The following AKAP7 variants were observed in gnomAD, a reference collection of about 807,000 sequenced individuals.
AKAP7 encodes the protein A-kinase anchoring protein 7.
A neutral mutation model predicts 39.5 loss-of-function variants in AKAP7; 39 were observed. The observed-to-expected ratio is 0.99, with a 90% CI of 0.76 to 1.29. The LOEUF is 1.29. Among genes scored for constraint, AKAP7 ranks in the 50% most tolerant of loss-of-function variants. AKAP7 has a pLI of 0.00. For synonymous variants in AKAP7, 140 were observed against 139.1 expected (o/e 1.01, Z -0.05); for missense variants, 414 against 407.7 (o/e 1.02, Z -0.13).
At chr6:131,144,518 G>A (rs1257515969) in intron 1 of AKAP7, among the ~76,000 whole-genome samples, 3 of 152,186 alleles carry the variant, frequency 2.0e-5, no homozygotes, top group African/African-American at 7.2e-5. Context: ...CAGCATTTGT[G>A]TCTGTCAATA....
At chr6:131,262,239 T>G (rs1813407405) in intron 7 of AKAP7, among the ~76,000 whole-genome samples, 1 of 152,220 alleles carries the variant, frequency 6.6e-6, no homozygotes, top group Non-Finnish European at 1.5e-5. Context: ...GGCAAGATCC[T>G]GTTCCCTTTG....
At chr6:131,172,395 G>A (rs570709874) in intron 5 of AKAP7, among the ~76,000 whole-genome samples, 1 of 152,138 alleles carries the variant, frequency 6.6e-6, no homozygotes, top group East Asian at 1.9e-4. Flanking sequence ...TGTCACCCAG[G>A]CTGGAGTGCA....
At chr6:131,159,935 CCTG>C in intron 2 of AKAP7, 121 bp from the exon 3 acceptor site, 1 of 929,258 alleles carries the variant, frequency 1.1e-6, no homozygotes, top group Non-Finnish European at 1.6e-6. Context: ...TTTGCAAACT[CCTG>C]CTTTAGATTT....
intron 5 of AKAP7, among the ~76,000 whole-genome samples, chr6:131,174,654 A>C (rs1237297517): frequency 1.3e-5 from 2 of 152,206 alleles, no homozygotes; most frequent in Non-Finnish European, 1.5e-5. Flanking sequence ...AAATGATTTA[A>C]TATTTGTTTT....
chr6:131,200,262 G>A (rs563947624), intron 6 of AKAP7, among the ~76,000 whole-genome samples: 14 of 152,216 alleles, frequency 9.2e-5, no homozygotes, highest in African/African-American at 3.4e-4. Flanking sequence ...TTTGACTTCC[G>A]TCTAGGTTCA....
chr6:131,166,712 G>C (rs1422041673), intron 4 of AKAP7, among the ~76,000 whole-genome samples: 1 of 152,174 alleles, frequency 6.6e-6, no homozygotes, highest in Non-Finnish European at 1.5e-5. Flanking sequence ...GAGGTTCAAG[G>C]TGTGACCTCA....
Position 131,241,730 on chromosome 6 carries a change from C to T in AKAP7, c.850+21922C>T, listed in dbSNP as rs563399943. Among the ~76,000 whole-genome samples the T allele has an allele frequency of 2.6e-5, 4 of 151,784 alleles. No individual in the cohort carries two copies. In the South Asian group the frequency reaches 8.4e-4, roughly 32 times the overall value. ...AGGTTACCTGGGAAACCTAGAACTTCAGATTTGCTTTGCAGCTAGTTACCT... is the reference window on the plus strand; with the variant it reads ...AGGTTACCTGGGAAACCTAGAACTTTAGATTTGCTTTGCAGCTAGTTACCT... On this transcript the variant is annotated intron_variant, in intron 7 of 7. Transcript: ENST00000431975.
chr6:131,181,710 C>T (rs1311994415), intron 5 of AKAP7, among the ~76,000 whole-genome samples: 1 of 152,118 alleles, frequency 6.6e-6, no homozygotes, highest in Non-Finnish European at 1.5e-5. Flanking sequence ...TGCTGAACTA[C>T]TTAGAGGTCC....
At chr6:131,169,078 A>T in intron 4 of AKAP7, 35 bp from the exon 5 acceptor site, 1 of 1,530,742 alleles carries the variant, frequency 6.5e-7, no homozygotes, top group Non-Finnish European at 9.0e-7. Flanking sequence ...TTTATTACTT[A>T]ATGTGTTACT....
intron 6 of AKAP7, among the ~76,000 whole-genome samples, chr6:131,219,415 C>G (rs1809505233): frequency 6.6e-6 from 1 of 151,924 alleles, no homozygotes; most frequent in Admixed American, 6.6e-5. Context: ...GTATGAAGTT[C>G]TGAAAACTGC....
chr6:131,132,005 T>C (rs1035738317), upstream of AKAP7, among the ~76,000 whole-genome samples: 5 of 152,102 alleles, frequency 3.3e-5, no homozygotes, highest in Non-Finnish European at 7.4e-5. Context: ...CAGTTAATAT[T>C]GAAAATCAAT....
At chr6:131,210,804 T>C (rs1388634125) in intron 6 of AKAP7, among the ~76,000 whole-genome samples, 4 of 152,204 alleles carry the variant, frequency 2.6e-5, no homozygotes, top group Admixed American at 6.5e-5. Context: ...CCTGCACCTT[T>C]GGCAACAGCC....
At chr6:131,234,368 G>A (rs952479356) in intron 7 of AKAP7, among the ~76,000 whole-genome samples, 4 of 152,146 alleles carry the variant, frequency 2.6e-5, no homozygotes, top group African/African-American at 9.7e-5. Context: ...TGACTGTAAT[G>A]AAGTTAATGG....
intron 2 of AKAP7, among the ~76,000 whole-genome samples, chr6:131,152,593 C>T (rs539995114): frequency 7.9e-5 from 12 of 151,764 alleles, no homozygotes; most frequent in Admixed American, 2.0e-4. Context: ...TTTGGGAGGC[C>T]GAGGAGGGCG....
rs2128341800 is a variant in AKAP7, at chr6:131,281,882, G to T, written c.*156G>T. 1 of 1,270,856 alleles carries T rather than the reference G, an allele frequency of 7.9e-7. No individual in the cohort carries two copies. 78.7% of individuals were successfully genotyped at this position (1,270,856 alleles called of 1,614,324 possible). A position where few individuals can be genotyped will look rare whatever the true frequency, so the allele number is the denominator to read the frequency against. ...TTTTCATGATCGATGTGTTCGCATT[G>T]CTGAAACACAACAGAAGAAAAATGG... On this transcript the variant is annotated 3_prime_UTR_variant, in exon 8 of 8. Coordinates refer to ENST00000431975, the MANE Select transcript of AKAP7 (RefSeq NM_016377.4). This position sits in a 1 kb window ranked among gnomAD's most constrained non-coding sequence, Gnocchi z 4.0.
chr6:131,202,616 G>T, intron 6 of AKAP7, among the ~76,000 whole-genome samples: 1 of 142,090 alleles, frequency 7.0e-6, no homozygotes, highest in Non-Finnish European at 1.5e-5. Context: ...GTTGTGGGAT[G>T]GGGGAGGGGG....
intron 7 of AKAP7, among the ~76,000 whole-genome samples, chr6:131,228,633 T>C (rs1296388630): frequency 1.3e-5 from 2 of 152,146 alleles, no homozygotes; most frequent in East Asian, 3.9e-4. Flanking sequence ...TGAGCCACTG[T>C]GCCCGGCCTG....
intron 2 of AKAP7, among the ~76,000 whole-genome samples, chr6:131,149,556 A>G (rs1377006622): frequency 6.6e-6 from 1 of 152,218 alleles, no homozygotes; most frequent in Non-Finnish European, 1.5e-5. Context: ...GATTGCTTGA[A>G]TCTGGTAGGC....
intron 1 of AKAP7, among the ~76,000 whole-genome samples, chr6:131,139,793 A>G (rs995282411): frequency 6.6e-6 from 1 of 152,256 alleles, no homozygotes. Flanking sequence ...GTGACGACAC[A>G]TGATGGAGTG....
Sources: allele counts gnomAD v4.1 joint callset (sites outside exome capture counted in the v4.1 genomes callset), GRCh38; gene constraint gnomAD v4.1.1; non-coding constraint Gnocchi (gnomAD v3.1); transcripts MANE v1.5; gene names NCBI Gene and HGNC (gene_info 2026-07-23, HGNC 2026-07-21).